WNK3: variants seen among roughly 807,000 people sequenced by gnomAD.
WNK3 encodes WNK lysine deficient protein kinase 3, also known as serine/threonine-protein kinase WNK3.
In WNK3, 18 loss-of-function variants were observed where a neutral mutation model predicts 116.7. The observed-to-expected ratio is 0.15, with a 90% confidence interval of 0.11 to 0.23. The LOEUF (loss-of-function observed/expected upper bound fraction) is 0.23. WNK3 is among the 10% of genes least tolerant of loss of function. The probability of loss-of-function intolerance (pLI) is 1.00; values close to 1 mark genes in which losing one functional copy is unlikely to be tolerated. For missense variants in WNK3, 993 were observed against 1,323.8 expected (o/e 0.75, Z 3.88); for synonymous variants, 404 against 469.4 (o/e 0.86, Z 1.80).
intron 22 of WNK3, among the ~76,000 whole-genome samples, chrX:54,226,344 C>T (rs2067838638): frequency 9.4e-6 from 1 of 106,537 alleles, no homozygotes; most frequent in Non-Finnish European, 1.9e-5. Flanking sequence ...ATGGCATGCA[C>T]CTGTAGTCCC....
exon 16 of WNK3, chrX:54,249,994 T>C (rs782652815): frequency 2.0e-5 from 24 of 1,198,804 alleles, no homozygotes; most frequent in African/African-American, 3.5e-5. Flanking sequence ...AAAAGCTTAC[T>C]AGGAAGTGGA....
chrX:54,222,058 G>A (rs186438883), intron 22 of WNK3, among the ~76,000 whole-genome samples: 12 of 111,312 alleles, frequency 1.1e-4, no homozygotes, highest in Non-Finnish European at 1.1e-4. Flanking sequence ...TCAGGAGGCT[G>A]AGGAAGGAGA....
chrX:54,343,814 A>G (rs1183291127), intron 1 of WNK3, among the ~76,000 whole-genome samples: 1 of 109,384 alleles, frequency 9.1e-6, no homozygotes, highest in Non-Finnish European at 1.9e-5. Context: ...GGCACGTGCC[A>G]CCAAACTCCT....
At chrX:54,320,520 T>C (rs1158372726) in intron 2 of WNK3, among the ~76,000 whole-genome samples, 1 of 111,904 alleles carries the variant, frequency 8.9e-6, no homozygotes, top group Non-Finnish European at 1.9e-5. Flanking sequence ...TATCAATGAA[T>C]ATTTTTTTTC....
chrX:54,197,722 C>T (rs1354615260), exon 24 of WNK3: 3 of 97,962 alleles, frequency 3.1e-5, no homozygotes, highest in Non-Finnish European at 6.1e-5. Flanking sequence ...AGAGAGACTC[C>T]ATCTCAAAAA....
chrX:54,302,106 T>G (rs1230550406), intron 5 of WNK3, among the ~76,000 whole-genome samples: 5 of 110,815 alleles, frequency 4.5e-5, no homozygotes, highest in Admixed American at 2.0e-4. Flanking sequence ...TTACACATAT[T>G]ATGTTATATA....
intron 17 of WNK3, among the ~76,000 whole-genome samples, chrX:54,240,011 T>C (rs1452067425): frequency 1.8e-5 from 2 of 112,392 alleles, no homozygotes; most frequent in East Asian, 5.6e-4. Flanking sequence ...GCATTATTAC[T>C]ACTTAGGGCA....
At chrX:54,284,655 A>T (rs1255587576) in intron 10 of WNK3, among the ~76,000 whole-genome samples, 1 of 112,383 alleles carries the variant, frequency 8.9e-6, no homozygotes, top group Non-Finnish European at 1.9e-5. Flanking sequence ...CATAAAATGG[A>T]ACATTATTCT....
exon 17 of WNK3, chrX:54,249,169 CCTT>C: frequency 1.7e-6 from 2 of 1,211,579 alleles, no homozygotes; most frequent in East Asian, 3.0e-5. Flanking sequence ...TGTAGTTTCT[CCTT>C]CTTGAGAAAT....
chrX:54,232,095 ATGTGTGTG>A (rs1228009876), intron 21 of WNK3, among the ~76,000 whole-genome samples: 1 of 96,650 alleles, frequency 1.0e-5, no homozygotes, highest in African/African-American at 4.2e-5. Flanking sequence ...GTCTGTGTAT[ATGTGTGTG>A]TGTGTGTGTG....
intron 10 of WNK3, among the ~76,000 whole-genome samples, chrX:54,277,628 G>A (rs1257658065): frequency 9.0e-6 from 1 of 111,053 alleles, no homozygotes; most frequent in Admixed American, 9.6e-5. Flanking sequence ...GAGCCAACGC[G>A]CCCGGCCATG....
exon 2 of WNK3, chrX:54,333,448 G>T (rs1557174730): frequency 8.3e-7 from 1 of 1,209,268 alleles, no homozygotes. Flanking sequence ...TCATCTTTGG[G>T]GGATGATTCG....
intron 17 of WNK3, among the ~76,000 whole-genome samples, chrX:54,241,225 T>C (rs1185825718): frequency 8.9e-6 from 1 of 111,915 alleles, no homozygotes; most frequent in Non-Finnish European, 1.9e-5. Flanking sequence ...CCAGGCAGCA[T>C]TAGAGATAAG....
chrX:54,314,004 C>G (rs1252606910), intron 2 of WNK3, among the ~76,000 whole-genome samples: 1 of 108,206 alleles, frequency 9.2e-6, no homozygotes, highest in Non-Finnish European at 1.9e-5. Context: ...CCAGCCTAGT[C>G]GACATGGTGA....
intron 22 of WNK3, among the ~76,000 whole-genome samples, chrX:54,226,933 C>G (rs781999289): frequency 2.5e-4 from 28 of 111,432 alleles, no homozygotes; most frequent in Middle Eastern, 4.2e-3. Flanking sequence ...TCTTTTTTCT[C>G]TTTCTTTTCA....
upstream of WNK3, chrX:54,358,755 C>T (rs1336415693): frequency 2.7e-5 from 3 of 113,114 alleles, no homozygotes; most frequent in Non-Finnish European, 5.6e-5. Flanking sequence ...TGGGCACGTG[C>T]CCTGCGCCTC....
At position 54,294,748 on chromosome X, in the gene WNK3, C is replaced by A. The variant is rs782003416; in HGVS notation, c.1498G>T (p.Ala500Ser). The A allele has an allele frequency of 5.0e-6, 6 of 1,209,189 alleles. No individual in the cohort carries two copies. The African/African-American group carries it at 7.0e-5, about 14-fold the overall frequency. The change falls in exon 8 of 24, where the codon GCT becomes TCT. Residue 500 changes from alanine to serine, a missense_variant. Ala to Ser is a moderately conservative substitution (Grantham distance 99). Around this residue, in one of 4 missense-constraint regions of WNK3, gnomAD observed 836 missense variants for 976.5 expected, o/e 0.86. Transcript: ENST00000354646. The stretch of plus-strand genomic sequence containing the variant: ...TCCCTGCGTTCTTCCAAACAGCCAG[C>A]AGGCTTCTTCTCTCTTGTCTTCTTT...
intron 10 of WNK3, among the ~76,000 whole-genome samples, chrX:54,275,012 TAA>T (rs142853353): frequency 0.29 from 11,515 of 39,710 alleles, 1,470 homozygotes; most frequent in African/African-American, 0.53. Flanking sequence ...CCCTGTCACA[TAA>T]AAAAAAAAAA....
chrX:54,249,126 G>A, exon 17 of WNK3: 1 of 1,211,800 alleles, frequency 8.3e-7, no homozygotes, highest in South Asian at 1.8e-5. Flanking sequence ...GAGTGGGAAT[G>A]ACTGTCTTAG....
Sources: allele counts gnomAD v4.1 joint callset (sites outside exome capture counted in the v4.1 genomes callset), GRCh38; gene constraint gnomAD v4.1.1; regional missense constraint gnomAD v4.1.1; transcripts MANE v1.5; gene names NCBI Gene and HGNC (gene_info 2026-07-23, HGNC 2026-07-21).